Variants in HIPK1 observed in about 807,000 individuals in gnomAD.
HIPK1 encodes homeodomain-interacting protein kinase 1.
A neutral mutation model predicts 117.1 loss-of-function variants in HIPK1; 28 were observed. The ratio of observed to expected loss-of-function variants is 0.24; its 90% CI spans 0.18 to 0.33. HIPK1 has a LOEUF of 0.33. Among genes scored for constraint, HIPK1 ranks in the 10% least tolerant of loss-of-function variants. HIPK1 has a pLI of 1.00. For missense variants in HIPK1, 1,122 were observed against 1,475.1 expected (o/e 0.76, Z 3.92); for synonymous variants, 605 against 562.5 (o/e 1.08, Z -1.07).
chr1:113,947,954 A>G (rs1262484096), intron 2 of HIPK1, among the ~76,000 whole-genome samples: 1 of 152,186 alleles, frequency 6.6e-6, no homozygotes, highest in Non-Finnish European at 1.5e-5. Flanking sequence ...TAGAAGAGTA[A>G]TTATCTAACT....
In HIPK1 at chr1:113,963,479, A is replaced by AGCCG. The variant is rs1446058943; in HGVS notation, c.2207_2210dup (p.Leu738GlyfsTer4). ...CGGTGCCCTTTACTCTGAGCTGCGCAGCCGGCCGGCCGGCGCTGGTTGAAC... is the reference window on the plus strand; with the variant it reads ...CGGTGCCCTTTACTCTGAGCTGCGCAGCCGGCCGGCCGGCCGGCGCTGGTTGAAC... On this transcript the variant is annotated frameshift_variant, in exon 10 of 16. Coordinates refer to ENST00000426820, the MANE Select transcript of HIPK1 (RefSeq NM_198268.3). LOFTEE classifies it high-confidence loss of function. The AGCCG allele has an allele frequency of 6.2e-7, 1 of 1,614,050 alleles. No individual in the cohort carries two copies. Among genetic ancestry groups the AGCCG allele is most frequent in the African/African-American group, 1.3e-5 (1 of 74,936 alleles).
rs1368526546 is a variant in HIPK1 at position 113,957,266 on chromosome 1, C to T, written c.1735C>T (p.Leu579Phe). Residue 579 changes from leucine (L) to phenylalanine (F), a missense_variant, in exon 7 of 16, where the codon CTC becomes TTC. Around this residue, in one of 6 missense-constraint regions of HIPK1, gnomAD observed 731 missense variants for 860.4 expected, o/e 0.85. Transcript: ENST00000426820. ...TNLTMSFSNQ[L>F]NTVHNQASVL... ...TCTAACCATGAGCTTCAGCAATCAG[C>T]TCAATACAGTGCACAATCAGGTATT... is the stretch of plus-strand genomic sequence containing the variant. 1.2e-6 allele frequency: 2 copies of T among 1,613,330 alleles called. No individual in the cohort carries two copies. The highest frequency in any genetic ancestry group is 8.5e-7 in the Non-Finnish European group (1 of 1,179,598).
intron 13 of HIPK1, among the ~76,000 whole-genome samples, chr1:113,969,043 G>A (rs892861305): frequency 6.6e-6 from 1 of 151,368 alleles, no homozygotes; most frequent in African/African-American, 2.4e-5. Context: ...CCAAAAAAAA[G>A]GGCCGAAGAA....
In HIPK1 at chr1:113,971,812, G is replaced by A; in HGVS notation, c.3014-12G>A. The A allele has an allele frequency of 3.8e-6, 6 of 1,589,394 alleles. No homozygotes were observed. The highest frequency in any genetic ancestry group is 5.1e-6 in the Non-Finnish European group (6 of 1,172,568). On this transcript the variant is annotated splice_polypyrimidine_tract_variant and intron_variant, in intron 14 of 15. Coordinates refer to ENST00000426820, the MANE Select transcript of HIPK1 (RefSeq NM_198268.3). ...TGTCTACTCATAACTATTAAGCCTG[G>A]TGCTTTTTTAGGTCTCCTGAGCAAT...
At position 113,952,848 on chromosome 1, in the gene HIPK1, C is replaced by G; in HGVS notation, c.1159C>G (p.Leu387Val). ...SLGCVIAELF[L>V]GWPLYPGASE... ...GGGCTGTGTGATAGCTGAGCTGTTC[C>G]TGGGATGGCCTCTTTATCCTGGTGC... Residue 387 changes from leucine to valine, a missense_variant, in exon 3 of 16, where the codon CTG (leucine) becomes GTG (valine). Physicochemically the swap from Leu to Val is conservative, Grantham distance 32 (BLOSUM62 1). This residue lies in a region of HIPK1 where 127 missense variants were observed against 197.9 expected (regional missense o/e 0.64). Coordinates refer to ENST00000426820, the MANE Select transcript of HIPK1 (RefSeq NM_198268.3). 1 of 1,547,394 alleles carries G rather than the reference C, an allele frequency of 6.5e-7. No homozygotes were observed.
At chr1:113,947,754 T>C (rs866209446) in intron 2 of HIPK1, among the ~76,000 whole-genome samples, 1 of 152,230 alleles carries the variant, frequency 6.6e-6, no homozygotes, top group South Asian at 2.1e-4. Context: ...AGAGCCTGTT[T>C]AGTATTTGTT....
chr1:113,951,846 G>A (rs1182200823), intron 2 of HIPK1, among the ~76,000 whole-genome samples: 2 of 151,610 alleles, frequency 1.3e-5, no homozygotes, highest in Non-Finnish European at 2.9e-5. Context: ...GCTCTAGAGA[G>A]TGTGCTGTCA....
Position 113,940,549 on chromosome 1 carries a change from G to A in HIPK1, c.166G>A (p.Ala56Thr), listed in dbSNP as rs752023151. 6.8e-6 allele frequency: 11 copies of A among 1,614,116 alleles called. No homozygotes were observed. Among genetic ancestry groups the A allele is most frequent in the South Asian group, 2.2e-5 (2 of 91,080 alleles). Residue 56 changes from alanine (A) to threonine (T), a missense_variant, in exon 2 of 16, where the codon GCC becomes ACC. Physicochemically the swap from Ala to Thr is moderately conservative, Grantham distance 58 (BLOSUM62 0). Around this residue, in one of 6 missense-constraint regions of HIPK1, gnomAD observed 192 missense variants for 234.0 expected, o/e 0.82. Coordinates refer to ENST00000426820, the MANE Select transcript of HIPK1 (RefSeq NM_198268.3). ...SKTLPATQGQANSSHQVANFN... is the reference protein window; with the variant it reads ...SKTLPATQGQTNSSHQVANFN... Reference sequence around the variant, plus strand: ...AACCCTCCCAGCCACACAAGGGCAAGCCAACTCCTCTCACCAGGTAGCAAA... The same window carrying A: ...AACCCTCCCAGCCACACAAGGGCAAACCAACTCCTCTCACCAGGTAGCAAA...
intron 1 of HIPK1, 145 bp from the exon 2 acceptor site, chr1:113,940,237 T>C: frequency 3.9e-6 from 3 of 763,126 alleles, no homozygotes; most frequent in Non-Finnish European, 6.3e-6. Flanking sequence ...TAGGTCAAGA[T>C]TGAATTAGTT....
chr1:113,973,577 GC>G lies in HIPK1; in HGVS notation c.*66del. 1 of 1,506,494 alleles carries G rather than the reference GC, an allele frequency of 6.6e-7. No individual in the cohort carries two copies. The highest frequency in any genetic ancestry group is 1.4e-5 in the African/African-American group (1 of 71,662). The allele number at this position is 1,506,494 out of a possible 1,614,324, so 93.3% of individuals were successfully genotyped here. On this transcript the variant is annotated 3_prime_UTR_variant, in exon 16 of 16. Coordinates refer to ENST00000426820, the MANE Select transcript of HIPK1 (RefSeq NM_198268.3). ...CCTGGCCCTGCGTTCTTAATATTGG[GC>G]TATGGAGAGATCCTCCTTTACCCTC...
At position 113,929,352 on chromosome 1, in the gene HIPK1, C is replaced by A. The variant is rs1423745600; in HGVS notation, c.-183C>A. ...ATTTTACAGTTGGATCCCGTACCAC[C>A]GCCAGGCACCTTTAAATCACCGCAG... On this transcript the variant is annotated 5_prime_UTR_variant, in exon 1 of 16. Coordinates refer to ENST00000426820, the MANE Select transcript of HIPK1 (RefSeq NM_198268.3). The A allele has an allele frequency of 7.8e-7, 1 of 1,289,498 alleles. No homozygotes were observed. The highest frequency in any genetic ancestry group is 1.0e-6 in the Non-Finnish European group (1 of 988,866). 79.9% of individuals were successfully genotyped at this position (1,289,498 alleles called of 1,614,324 possible). A position where few individuals can be genotyped will look rare whatever the true frequency, so the allele number is the denominator to read the frequency against.
chr1:113,961,595 CT>C (rs1172519467), intron 8 of HIPK1, among the ~76,000 whole-genome samples: 1 of 152,180 alleles, frequency 6.6e-6, no homozygotes. Flanking sequence ...ATACTTAAGC[CT>C]TTGCTTTTAA....
Position 113,976,647 on chromosome 1 carries a change from C to A in HIPK1, c.*3135C>A, listed in dbSNP as rs1192430558. The A allele has an allele frequency of 6.5e-6, 1 of 152,774 alleles. No individual in the cohort carries two copies. Among genetic ancestry groups the A allele is most frequent in the African/African-American group, 2.4e-5 (1 of 41,432 alleles). The allele number at this position is 152,774 out of a possible 1,614,324, so 9.5% of individuals were successfully genotyped here. On this transcript the variant is annotated 3_prime_UTR_variant, in exon 16 of 16. Coordinates refer to ENST00000426820, the MANE Select transcript of HIPK1 (RefSeq NM_198268.3). ...CAAACTGGCATTTCCGATTTTCCAG[C>A]ATAAAAATCCACCTGTGTCTGCTGA... is the stretch of plus-strand genomic sequence containing the variant.
At chr1:113,932,701 G>A (rs913776014) in intron 1 of HIPK1, among the ~76,000 whole-genome samples, 1 of 151,968 alleles carries the variant, frequency 6.6e-6, no homozygotes, top group African/African-American at 2.4e-5. Context: ...TTCTCATCTC[G>A]GAATTAGGGG....
At chr1:113,952,952 G>A in intron 3 of HIPK1, 63 bp downstream of exon 3, 5 of 1,380,412 alleles carry the variant, frequency 3.6e-6, no homozygotes, top group Non-Finnish European at 4.8e-6. Flanking sequence ...AGATTCTGGA[G>A]AAAGAGAAGT....
Position 113,940,331 on chromosome 1 carries a change from G to A in HIPK1, c.-2-51G>A, listed in dbSNP as rs535156479. 4.8e-6 allele frequency: 7 copies of A among 1,455,352 alleles called. No individual in the cohort carries two copies. The East Asian group carries it at 1.6e-4, about 33-fold the overall frequency. 90.2% of individuals were successfully genotyped at this position (1,455,352 alleles called of 1,614,324 possible). On this transcript the variant is annotated intron_variant, in intron 1 of 15. Transcript: ENST00000426820. ...GTGTGTTTGTGTGTTTTAAATCTAAGCCTTGTATCTTTTATCCTTGTGGTC... is the reference window on the plus strand; with the variant it reads ...GTGTGTTTGTGTGTTTTAAATCTAAACCTTGTATCTTTTATCCTTGTGGTC...
chr1:113,952,257 A>T (rs1005325573), intron 2 of HIPK1, among the ~76,000 whole-genome samples: 7 of 148,326 alleles, frequency 4.7e-5, no homozygotes, highest in African/African-American at 1.7e-4. Context: ...CTTTTAATTG[A>T]TTTTTTTTTT....
intron 11 of HIPK1, among the ~76,000 whole-genome samples, chr1:113,966,811 G>A (rs1175481344): frequency 6.6e-6 from 1 of 150,866 alleles, no homozygotes; most frequent in Non-Finnish European, 1.5e-5. Flanking sequence ...ATCACCTATT[G>A]CGCTATCAAA....
chr1:113,954,128 T>G (rs1671551989), intron 3 of HIPK1, among the ~76,000 whole-genome samples: 1 of 152,098 alleles, frequency 6.6e-6, no homozygotes, highest in South Asian at 2.1e-4. Context: ...GCCTAGCTAA[T>G]TCTTTTATTT....
Sources: gnomAD v4.1 joint callset for allele counts (sites outside exome capture counted in the v4.1 genomes callset) on GRCh38, gnomAD v4.1.1 for gene constraint, gnomAD v4.1.1 regional missense constraint, MANE v1.5 for transcripts, NCBI Gene and HGNC (gene_info 2026-07-23, HGNC 2026-07-21) for gene names.